SLC25A26: variants seen among roughly 807,000 people sequenced by gnomAD.
SLC25A26 encodes the protein solute carrier family 25 member 26.
In SLC25A26, 36 loss-of-function variants were observed where a neutral mutation model predicts 37.8. The observed-to-expected ratio is 0.95, with a 90% CI of 0.73 to 1.26. SLC25A26 has a LOEUF of 1.26. Ranked by LOEUF, SLC25A26 falls within the 50% of genes most tolerant of loss-of-function variation. SLC25A26 has a pLI of 0.00. For synonymous variants in SLC25A26, 129 were observed against 122.5 expected, an observed-to-expected ratio of 1.05 and a Z score of -0.35; for missense variants, 390 against 331.1, an observed-to-expected ratio of 1.18 and a Z score of -1.38.
At chr3:66,311,152 TCA>T (rs2075365561) in intron 5 of SLC25A26, among the ~76,000 whole-genome samples, 1 of 152,200 alleles carries the variant, frequency 6.6e-6, no homozygotes, top group Non-Finnish European at 1.5e-5. Flanking sequence ...TTTGGTCTTT[TCA>T]CATAGTCCGA....
intron 5 of SLC25A26, chr3:66,324,111 C>T (rs750528606): frequency 1.4e-5 from 2 of 147,552 alleles, no homozygotes; most frequent in Non-Finnish European, 2.9e-5. Flanking sequence ...TGTGAATAGC[C>T]GTTACACTCC....
At chr3:66,286,537 A>C (rs1344269373) in intron 5 of SLC25A26, among the ~76,000 whole-genome samples, 1 of 152,100 alleles carries the variant, frequency 6.6e-6, no homozygotes, top group Non-Finnish European at 1.5e-5. Context: ...GAAGAAATAT[A>C]TATATTAAGG....
At chr3:66,314,847 C>T (rs917970975) in intron 5 of SLC25A26, among the ~76,000 whole-genome samples, 6 of 150,610 alleles carry the variant, frequency 4.0e-5, no homozygotes, top group Admixed American at 4.0e-4. Flanking sequence ...TTGGTTCATT[C>T]TTGGGAGGGT....
At chr3:66,312,533 G>T (rs375583390) in intron 5 of SLC25A26, among the ~76,000 whole-genome samples, 3 of 137,994 alleles carry the variant, frequency 2.2e-5, no homozygotes, top group African/African-American at 5.5e-5. Context: ...TGGGTACGAA[G>T]AAAAAAAAGA....
At chr3:66,317,840 C>G (rs76993622) in intron 5 of SLC25A26, among the ~76,000 whole-genome samples, 1,948 of 152,276 alleles carry the variant, frequency 0.013, 45 homozygotes, top group African/African-American at 0.043. Flanking sequence ...AGGCACTACC[C>G]AGTGAGGAGG....
intron 1 of SLC25A26, among the ~76,000 whole-genome samples, chr3:66,214,260 C>G: frequency 6.6e-6 from 1 of 152,224 alleles, no homozygotes; most frequent in East Asian, 1.9e-4. Context: ...CATGCCTACC[C>G]CCACCCCACC....
chr3:66,261,655 G>A (rs1471476), intron 3 of SLC25A26: 17,664 of 179,788 alleles, frequency 0.098, 1,145 homozygotes, highest in Admixed American at 0.19. Context: ...ACGGATGTAT[G>A]CATTACTTCC....
intron 1 of SLC25A26, among the ~76,000 whole-genome samples, chr3:66,179,827 G>T (rs907823193): frequency 6.6e-6 from 1 of 151,762 alleles, no homozygotes; most frequent in Non-Finnish European, 1.5e-5. Flanking sequence ...TAGTATTATT[G>T]TTATTAATAT....
intron 5 of SLC25A26, among the ~76,000 whole-genome samples, chr3:66,324,519 A>G (rs996293101): frequency 6.6e-6 from 1 of 152,184 alleles, no homozygotes; most frequent in African/African-American, 2.4e-5. Flanking sequence ...TTCCTGAGCC[A>G]TAATTTCTAA....
rs145447391 is a variant in SLC25A26 at position 66,342,260 on chromosome 3, C to T, written c.454-4104C>T. Among the ~76,000 whole-genome samples the T allele has an allele frequency of 9.5e-3, 1,444 of 152,140 alleles. 11 individuals carry two copies. Among genetic ancestry groups the T allele is most frequent in the Middle Eastern group, 0.024 (7 of 294 alleles). ...GCACACGGTTTCTGTGTTTTTTAAA[C>T]GTATTGCTAGAGAGTTCTGGGTTAT... On this transcript the variant is annotated intron_variant, in intron 5 of 9. Coordinates refer to ENST00000354883, the MANE Select transcript of SLC25A26 (RefSeq NM_001379210.1).
At chr3:66,151,427 C>G (rs923712066) in intron 1 of SLC25A26, among the ~76,000 whole-genome samples, 9 of 152,154 alleles carry the variant, frequency 5.9e-5, no homozygotes, top group African/African-American at 1.7e-4. Context: ...CTGGGCCATG[C>G]TAGCAAGCAA....
intron 5 of SLC25A26, among the ~76,000 whole-genome samples, chr3:66,331,610 G>A (rs1243538000): frequency 3.9e-5 from 6 of 151,944 alleles, no homozygotes; most frequent in African/African-American, 1.5e-4. Context: ...ATTTTAACTT[G>A]CAGTTTGTTA....
At chr3:66,157,030 C>A (rs1042428331) in intron 1 of SLC25A26, among the ~76,000 whole-genome samples, 1 of 152,012 alleles carries the variant, frequency 6.6e-6, no homozygotes. Flanking sequence ...CTCAGGAGTT[C>A]AAGACCAGCC....
intron 1 of SLC25A26, among the ~76,000 whole-genome samples, chr3:66,172,307 A>G (rs1053500660): frequency 1.3e-5 from 2 of 148,610 alleles, no homozygotes; most frequent in Non-Finnish European, 3.0e-5. Flanking sequence ...GCTATTCAAG[A>G]GGCTGAGGTG....
rs1450443901 is a variant in SLC25A26 at position 66,251,838 on chromosome 3, A to G, written c.300+8526A>G. Among the ~76,000 whole-genome samples the G allele has an allele frequency of 2.0e-5, 3 of 152,136 alleles. No individual in the cohort carries two copies. The East Asian group carries it at 5.8e-4, about 29-fold the overall frequency. On this transcript the variant is annotated intron_variant, in intron 3 of 9. Coordinates refer to ENST00000354883, the MANE Select transcript of SLC25A26 (RefSeq NM_001379210.1). ...ATTTTCTTTTTCTAATATAGTATGC[A>G]GTGTTAGTTCAGATGGTATTGATTC... is the stretch of plus-strand genomic sequence containing the variant.
At chr3:66,303,323 A>C (rs961202740) in intron 5 of SLC25A26, among the ~76,000 whole-genome samples, 2 of 152,136 alleles carry the variant, frequency 1.3e-5, no homozygotes, top group Non-Finnish European at 2.9e-5. Context: ...AGCCACCTTT[A>C]AGGAAAGACT....
At chr3:66,312,907 G>T (rs1337925112) in intron 5 of SLC25A26, among the ~76,000 whole-genome samples, 1 of 152,134 alleles carries the variant, frequency 6.6e-6, no homozygotes, top group African/African-American at 2.4e-5. Flanking sequence ...TTCTGTTATG[G>T]CCTTGCTGGG....
intron 1 of SLC25A26, among the ~76,000 whole-genome samples, chr3:66,183,572 A>G (rs902978891): frequency 6.6e-6 from 1 of 151,898 alleles, no homozygotes; most frequent in Admixed American, 6.6e-5. Flanking sequence ...GACCCTGGAC[A>G]TATACCTCAC....
At chr3:66,308,027 A>T (rs566485991) in intron 5 of SLC25A26, among the ~76,000 whole-genome samples, 285 of 152,238 alleles carry the variant, frequency 1.9e-3, no homozygotes, top group Middle Eastern at 6.8e-3. Context: ...TTTTTTTCTA[A>T]TTCTGTGAAG....
Sources: allele counts gnomAD v4.1 joint callset (sites outside exome capture counted in the v4.1 genomes callset), GRCh38; gene constraint gnomAD v4.1.1; transcripts MANE v1.5; gene names NCBI Gene and HGNC (gene_info 2026-07-23, HGNC 2026-07-21).